GRIP1: variants seen among roughly 807,000 people sequenced by gnomAD.
GRIP1 encodes glutamate receptor-interacting protein 1.
In GRIP1, 45 loss-of-function variants were observed where a neutral mutation model predicts 129.9. The ratio of observed to expected loss-of-function variants is 0.35; its 90% CI spans 0.27 to 0.44. GRIP1 has a LOEUF of 0.44. Among genes scored for constraint, GRIP1 ranks in the 20% least tolerant of loss-of-function variants. The pLI is 1.00. For missense variants in GRIP1, 1,196 were observed against 1,396.8 expected (o/e 0.86, Z 2.29); for synonymous variants, 530 against 520.8 (o/e 1.02, Z -0.24).
rs935316965 is a variant in GRIP1 at position 66,404,042 on chromosome 12, C to G, written c.1984+2241G>C. Among the ~76,000 whole-genome samples, 11 of 152,176 alleles carry G rather than the reference C, an allele frequency of 7.2e-5. No homozygotes were observed. In the South Asian group the frequency reaches 1.2e-3, roughly 17 times the overall value. On this transcript the variant is annotated intron_variant, in intron 16 of 24. Coordinates refer to ENST00000359742, the MANE Select transcript of GRIP1 (RefSeq NM_001366722.1). ...CTTTGCCTCTTCACTAGGACAGAAC[C>G]CAGGCTGATGCTAAAGGCTTCCTCT...
intron 1 of GRIP1, among the ~76,000 whole-genome samples, chr12:66,876,040 G>A (rs12307268): frequency 0.045 from 6,917 of 152,024 alleles, 541 homozygotes; most frequent in African/African-American, 0.16. Flanking sequence ...TCTTCAGAGT[G>A]AAGAAAAGAT....
intron 7 of GRIP1, among the ~76,000 whole-genome samples, chr12:66,499,581 C>G (rs2060330623): frequency 6.6e-6 from 1 of 152,104 alleles, no homozygotes; most frequent in African/African-American, 2.4e-5. Flanking sequence ...GAGAGACAGT[C>G]ACACACACAG....
In GRIP1 at chr12:66,520,135, C is replaced by T. The variant is rs182324010; in HGVS notation, c.503-2159G>A. Among the ~76,000 whole-genome samples the T allele has an allele frequency of 9.8e-5, 15 of 152,336 alleles. No homozygotes were observed. In the East Asian group the frequency reaches 2.5e-3, roughly 25 times the overall value. On this transcript the variant is annotated intron_variant, in intron 5 of 24. Coordinates refer to ENST00000359742, the MANE Select transcript of GRIP1 (RefSeq NM_001366722.1). ...ACTTCTCCCATACTAAACAGATATG[C>T]TCCATCTGCAATATCTTCTCTTTCC...
intron 13 of GRIP1, among the ~76,000 whole-genome samples, chr12:66,433,446 A>G (rs1489173042): frequency 1.3e-5 from 2 of 152,112 alleles, no homozygotes; most frequent in Non-Finnish European, 2.9e-5. Context: ...ACTGGAAGGG[A>G]GTGAAAGTGG....
chr12:66,617,843 T>C (rs1204053233), intron 1 of GRIP1, among the ~76,000 whole-genome samples: 1 of 123,640 alleles, frequency 8.1e-6, no homozygotes, highest in Non-Finnish European at 1.9e-5. Context: ...CTTCTTAGAT[T>C]AGCAAAAACT....
At chr12:67,001,264 T>C (rs971550277) in intron 1 of GRIP1, among the ~76,000 whole-genome samples, 13 of 152,156 alleles carry the variant, frequency 8.5e-5, no homozygotes, top group African/African-American at 2.9e-4. Context: ...CACCCGTGCT[T>C]CCCCACATAA....
At chr12:67,048,121 T>C (rs2043282943) in intron 1 of GRIP1, among the ~76,000 whole-genome samples, 3 of 151,790 alleles carry the variant, frequency 2.0e-5, no homozygotes, top group Admixed American at 2.0e-4. Context: ...TTCTATTCCC[T>C]GCATGAGCTT....
intron 1 of GRIP1, among the ~76,000 whole-genome samples, chr12:66,778,940 A>G (rs2038072258): frequency 6.6e-6 from 1 of 152,174 alleles, no homozygotes; most frequent in African/African-American, 2.4e-5. Flanking sequence ...TCTAGCCAAA[A>G]TTTGAAAATG....
At chr12:66,981,843 T>C (rs891353120) in intron 1 of GRIP1, among the ~76,000 whole-genome samples, 6 of 152,212 alleles carry the variant, frequency 3.9e-5, no homozygotes, top group Admixed American at 3.3e-4. Flanking sequence ...TGAGACAGCC[T>C]ACTGGAAAAG....
intron 1 of GRIP1, among the ~76,000 whole-genome samples, chr12:66,709,141 A>G (rs2035631817): frequency 6.6e-6 from 1 of 151,998 alleles, no homozygotes; most frequent in Non-Finnish European, 1.5e-5. Context: ...AACAAATTTC[A>G]GTGCTTATCC....
intron 1 of GRIP1, among the ~76,000 whole-genome samples, chr12:66,897,217 T>C (rs1377919931): frequency 1.3e-5 from 2 of 152,126 alleles, no homozygotes; most frequent in Non-Finnish European, 2.9e-5. Flanking sequence ...AGGCACTCGG[T>C]ATGTGTCAAT....
At chr12:66,421,146 C>G (rs2057788934) in intron 14 of GRIP1, among the ~76,000 whole-genome samples, 1 of 152,174 alleles carries the variant, frequency 6.6e-6, no homozygotes, top group South Asian at 2.1e-4. Flanking sequence ...TTAGTTACCC[C>G]TTCTTTTATT....
At chr12:66,455,303 A>T in intron 11 of GRIP1, 106 bp downstream of exon 11, 1 of 1,012,284 alleles carries the variant, frequency 9.9e-7, no homozygotes, top group Non-Finnish European at 1.6e-6. Flanking sequence ...CTACCTGATC[A>T]CTTAAGCAAC....
At chr12:66,870,251 G>A (rs2040273058) in intron 1 of GRIP1, among the ~76,000 whole-genome samples, 1 of 152,006 alleles carries the variant, frequency 6.6e-6, no homozygotes, top group African/African-American at 2.4e-5. Context: ...CCAAATTCCA[G>A]GTCTATGGGT....
Position 66,401,437 on chromosome 12 carries a change from G to C in GRIP1, c.1984+4846C>G, listed in dbSNP as rs188721188. ...TACTAAAAATACAAAAAATTAGCTG[G>C]GCATGGTGGTGGACACCTGTAATCC... On this transcript the variant is annotated intron_variant, in intron 16 of 24. Transcript: ENST00000359742. 1.4e-3 allele frequency among the ~76,000 whole-genome samples: 212 copies of C among 151,786 alleles called. 1 individual carries two copies. Among genetic ancestry groups the C allele is most frequent in the African/African-American group, 4.8e-3 (197 of 41,338 alleles).
chr12:66,439,108 C>A (rs1388030118), intron 13 of GRIP1, among the ~76,000 whole-genome samples: 1 of 152,190 alleles, frequency 6.6e-6, no homozygotes, highest in South Asian at 2.1e-4. Flanking sequence ...AAAGCATCTA[C>A]TGCAAAGCTT....
chr12:66,754,489 G>A (rs974848002), intron 1 of GRIP1, among the ~76,000 whole-genome samples: 1 of 152,084 alleles, frequency 6.6e-6, no homozygotes, highest in African/African-American at 2.4e-5. Context: ...ATTAAGTTGC[G>A]GGTTTAAATA....
intron 1 of GRIP1, among the ~76,000 whole-genome samples, chr12:66,789,459 A>G (rs1270457386): frequency 6.6e-6 from 1 of 152,206 alleles, no homozygotes; most frequent in Non-Finnish European, 1.5e-5. Flanking sequence ...AACTTATAAG[A>G]TGGCTAGAAA....
At chr12:66,423,652 C>A (rs7397097) in intron 14 of GRIP1, among the ~76,000 whole-genome samples, 101,070 of 152,060 alleles carry the variant, frequency 0.66, 34,768 homozygotes, top group Non-Finnish European at 0.77. Flanking sequence ...TGGCTATGAA[C>A]CTCCAGGGAA....
Sources: gnomAD v4.1 joint callset for allele counts (sites outside exome capture counted in the v4.1 genomes callset) on GRCh38, gnomAD v4.1.1 for gene constraint, MANE v1.5 for transcripts, NCBI Gene and HGNC (gene_info 2026-07-23, HGNC 2026-07-21) for gene names.